Variants in LIPH observed in about 807,000 individuals in gnomAD.
LIPH encodes the protein lipase member H.
In LIPH, 32 loss-of-function variants were observed where a neutral mutation model predicts 47.6. The ratio of observed to expected loss-of-function variants is 0.67; its 90% CI spans 0.51 to 0.90. LIPH has a LOEUF of 0.90. Among genes scored for constraint, LIPH ranks in the 40% least tolerant of loss-of-function variants. LIPH has a pLI of 0.00. For missense variants in LIPH, 497 were observed against 541.4 expected (o/e 0.92, Z 0.81); for synonymous variants, 190 against 195.6 (o/e 0.97, Z 0.24).
At chr3:185,514,387 C>G in intron 8 of LIPH, 23 bp downstream of exon 8, 1 of 1,043,494 alleles carries the variant, frequency 9.6e-7, no homozygotes. Context: ...TAGCGCACTG[C>G]AAACAATTGT....
intron 4 of LIPH, among the ~76,000 whole-genome samples, chr3:185,525,520 G>A (rs1326600389): frequency 6.6e-6 from 1 of 152,100 alleles, no homozygotes; most frequent in Non-Finnish European, 1.5e-5. Context: ...GCTCACGCCT[G>A]TAATCCTAGC....
rs890649776 is a variant in LIPH, at chr3:185,521,467, C to G, written c.719-2158G>C. On this transcript the variant is annotated intron_variant, in intron 5 of 9. Coordinates refer to ENST00000296252, the MANE Select transcript of LIPH (RefSeq NM_139248.3). ...CTGGAAGCCTGGTTCTTATGAGCTT[C>G]CTCGGTCTGGTACTGTTCAGTGCCA... 2.0e-5 allele frequency among the ~76,000 whole-genome samples: 3 copies of G among 152,294 alleles called. No individual in the cohort carries two copies. The South Asian group carries it at 6.2e-4, about 32-fold the overall frequency.
At chr3:185,515,003 C>T (rs1441405033) in intron 7 of LIPH, among the ~76,000 whole-genome samples, 1 of 152,186 alleles carries the variant, frequency 6.6e-6, no homozygotes, top group Non-Finnish European at 1.5e-5. Flanking sequence ...CTTCACCCAC[C>T]TGGGCACGCT....
intron 1 of LIPH, among the ~76,000 whole-genome samples, chr3:185,544,510 A>T (rs755683907): frequency 5.3e-4 from 81 of 151,876 alleles, no homozygotes; most frequent in Admixed American, 7.2e-4. Flanking sequence ...GCCCACCACC[A>T]CACCTGGCTA....
chr3:185,522,634 A>AAGAG (rs1424204963), intron 5 of LIPH, among the ~76,000 whole-genome samples: 1,049 of 69,614 alleles, frequency 0.015, 12 homozygotes, highest in Middle Eastern at 0.056. Context: ...AAAGAAGGAA[A>AAGAG]AGAAAGAGAG....
chr3:185,513,508 G>T (rs936861662), intron 8 of LIPH, among the ~76,000 whole-genome samples: 1 of 152,024 alleles, frequency 6.6e-6, no homozygotes, highest in Non-Finnish European at 1.5e-5. Context: ...AACCATTAAG[G>T]AAAACAGTAT....
At chr3:185,551,030 C>G (rs61146118) in intron 1 of LIPH, among the ~76,000 whole-genome samples, 7,314 of 152,106 alleles carry the variant, frequency 0.048, 290 homozygotes, top group East Asian at 0.24. Flanking sequence ...CAAAATTAGC[C>G]AGGCGCAGTG....
intron 1 of LIPH, among the ~76,000 whole-genome samples, chr3:185,546,475 A>G (rs1179096584): frequency 6.6e-6 from 1 of 152,066 alleles, no homozygotes; most frequent in Non-Finnish European, 1.5e-5. Context: ...CTGCCTGGGC[A>G]ATATGGCAAC....
At chr3:185,525,541 G>T (rs1720042849) in intron 4 of LIPH, among the ~76,000 whole-genome samples, 2 of 152,044 alleles carry the variant, frequency 1.3e-5, no homozygotes, top group South Asian at 4.2e-4. Flanking sequence ...ACTTTGGGAG[G>T]CCAAGGCGGA....
At chr3:185,529,985 A>G (rs1015147184) in intron 3 of LIPH, among the ~76,000 whole-genome samples, 3 of 150,420 alleles carry the variant, frequency 2.0e-5, no homozygotes, top group Admixed American at 6.6e-5. Flanking sequence ...AAAGAGAGAG[A>G]GAGAGAAAAT....
At chr3:185,516,983 G>T in intron 7 of LIPH, 84 bp downstream of exon 7, 4 of 902,722 alleles carry the variant, frequency 4.4e-6, no homozygotes, top group East Asian at 4.8e-5. Context: ...GCTCTTATTT[G>T]CCAAGAAGTA....
chr3:185,511,766 G>A, intron 8 of LIPH, 69 bp from the exon 9 acceptor site: 2 of 1,074,500 alleles, frequency 1.9e-6, no homozygotes, highest in Admixed American at 1.7e-5. Flanking sequence ...TTTGAAGCCT[G>A]CAAGTCACTG....
intron 5 of LIPH, among the ~76,000 whole-genome samples, chr3:185,522,429 G>T (rs1314474212): frequency 1.5e-4 from 22 of 148,694 alleles, no homozygotes. Context: ...GGATCGCAAA[G>T]AAAGAAGAGA....
intron 4 of LIPH, 141 bp downstream of exon 4, chr3:185,527,343 T>A: frequency 1.4e-6 from 1 of 731,572 alleles, no homozygotes. Context: ...CCTTCAATAT[T>A]TCGGTGGATT....
intron 4 of LIPH, among the ~76,000 whole-genome samples, chr3:185,526,038 C>A (rs553979513): frequency 6.6e-6 from 1 of 152,066 alleles, no homozygotes; most frequent in African/African-American, 2.4e-5. Context: ...TATCACCCAA[C>A]CCCACATGAC....
chr3:185,529,913 A>AGAAG, intron 3 of LIPH, among the ~76,000 whole-genome samples: 2 of 36,164 alleles, frequency 5.5e-5, no homozygotes, highest in Non-Finnish European at 1.3e-4. Flanking sequence ...AAGAAAAGAA[A>AGAAG]GAAAGAAAGA....
At chr3:185,547,801 G>A (rs1019855121) in intron 1 of LIPH, among the ~76,000 whole-genome samples, 2 of 149,592 alleles carry the variant, frequency 1.3e-5, no homozygotes, top group African/African-American at 2.5e-5. Flanking sequence ...CTCCAGCCTG[G>A]GCAACAAGAG....
chr3:185,526,694 A>AT (rs1720105567), intron 4 of LIPH, among the ~76,000 whole-genome samples: 1 of 144,884 alleles, frequency 6.9e-6, no homozygotes, highest in African/African-American at 2.5e-5. Context: ...AATATAAAAT[A>AT]AATAAAATAA....
intron 9 of LIPH, among the ~76,000 whole-genome samples, chr3:185,511,313 G>T (rs1398953798): frequency 6.6e-6 from 1 of 151,756 alleles, no homozygotes; most frequent in African/African-American, 2.4e-5. Context: ...AATCCTCCCA[G>T]CTTGGCCTCC....
Sources: gnomAD v4.1 joint callset for allele counts (sites outside exome capture counted in the v4.1 genomes callset) on GRCh38, gnomAD v4.1.1 for gene constraint, MANE v1.5 for transcripts, NCBI Gene and HGNC (gene_info 2026-07-23, HGNC 2026-07-21) for gene names.